Variants in EPHA5 observed in about 807,000 individuals in gnomAD.
EPHA5 encodes EPH receptor A5.
In EPHA5, 60 loss-of-function variants were observed where a neutral mutation model predicts 105.0. That is an observed-to-expected ratio of 0.57 (90% CI 0.46 to 0.71). The LOEUF (loss-of-function observed/expected upper bound fraction) is 0.71, where lower values mean the gene tolerates loss of function less well. Ranked by LOEUF, EPHA5 falls within the 30% of genes least tolerant of loss-of-function variation. The pLI, the probability that EPHA5 is intolerant of heterozygous loss-of-function variation, is 0.00. For synonymous variants in EPHA5, 513 were observed against 449.1 expected (o/e 1.14, Z -1.80); for missense variants, 1,218 against 1,274.7 (o/e 0.96, Z 0.68).
At chr4:65,577,814 G>T (rs68071739) in intron 3 of EPHA5, among the ~76,000 whole-genome samples, 33,174 of 151,948 alleles carry the variant, frequency 0.22, 3,704 homozygotes, top group East Asian at 0.27. Flanking sequence ...CAGAGGGAAA[G>T]TATGTACTTA....
chr4:65,420,626 A>G, intron 5 of EPHA5, 61 bp from the exon 6 acceptor site: 1 of 1,520,242 alleles, frequency 6.6e-7, no homozygotes, highest in Non-Finnish European at 8.9e-7. Context: ...TAAACCTGTT[A>G]TGTTTATTAC....
intron 8 of EPHA5, among the ~76,000 whole-genome samples, chr4:65,396,179 G>A (rs1721216828): frequency 6.6e-6 from 1 of 152,218 alleles, no homozygotes; most frequent in Admixed American, 6.5e-5. Flanking sequence ...TTGAGGATAA[G>A]CTTGGGCACT....
At chr4:65,544,212 C>T (rs748045270) in intron 3 of EPHA5, among the ~76,000 whole-genome samples, 2 of 151,740 alleles carry the variant, frequency 1.3e-5, no homozygotes, top group Non-Finnish European at 2.9e-5. Context: ...AAACAAAAGC[C>T]AAAATTGACA....
intron 14 of EPHA5, among the ~76,000 whole-genome samples, chr4:65,340,306 TGTGTTGTGCTCCATTCCCA>T (rs1461928581): frequency 6.6e-6 from 1 of 152,156 alleles, no homozygotes; most frequent in Non-Finnish European, 1.5e-5. Flanking sequence ...CAGAGACTTC[TGTGTTGTGCTCCATTCCCA>T]GTGACTCTTG....
chr4:65,518,448 GTC>G (rs1041984757), intron 3 of EPHA5, among the ~76,000 whole-genome samples: 8 of 151,226 alleles, frequency 5.3e-5, no homozygotes, highest in Non-Finnish European at 1.2e-4. Flanking sequence ...CACACACACA[GTC>G]TCTATATTTC....
chr4:65,495,369 T>C lies in EPHA5; in HGVS notation c.1066+19A>G, dbSNP rs369825431. On this transcript the variant is annotated intron_variant, in intron 4 of 16. Coordinates refer to ENST00000613740, the MANE Select transcript of EPHA5 (RefSeq NM_001281766.3). ...ACTGGTTAAAGTTAGCACCACCAAA[T>C]ATCCGTGGGTTTCCTTACTTGTGCA... The C allele has an allele frequency of 5.0e-6, 8 of 1,606,884 alleles. No homozygotes were observed. Among genetic ancestry groups the C allele is most frequent in the Middle Eastern group, 1.7e-4 (1 of 6,016 alleles).
intron 2 of EPHA5, among the ~76,000 whole-genome samples, chr4:65,632,305 T>C (rs1458437870): frequency 6.6e-6 from 1 of 152,056 alleles, no homozygotes; most frequent in Non-Finnish European, 1.5e-5. Context: ...TTTATGTTTG[T>C]GCAGGTTGTA....
At chr4:65,625,525 A>C (rs1746059752) in intron 2 of EPHA5, among the ~76,000 whole-genome samples, 1 of 152,116 alleles carries the variant, frequency 6.6e-6, no homozygotes, top group Non-Finnish European at 1.5e-5. Context: ...ACATTTAAAC[A>C]CTGTTTAATA....
At chr4:65,552,884 G>A (rs1465081340) in intron 3 of EPHA5, among the ~76,000 whole-genome samples, 9 of 151,912 alleles carry the variant, frequency 5.9e-5, no homozygotes, top group Non-Finnish European at 1.0e-4. Context: ...TAAGCAATAT[G>A]ACATCAATAT....
rs1719776844 is a variant in EPHA5, at chr4:65,323,230, G to C, written c.*884C>G. ...GAGATTAGCTTTTGGACACATGAGAGGAAAAGAGACACAAGCTTGTGTTAA... is the reference window on the plus strand; with the variant it reads ...GAGATTAGCTTTTGGACACATGAGACGAAAAGAGACACAAGCTTGTGTTAA... On this transcript the variant is annotated 3_prime_UTR_variant, in exon 17 of 17. Coordinates refer to ENST00000613740, the MANE Select transcript of EPHA5 (RefSeq NM_001281766.3). 4.4e-6 allele frequency: 1 copy of C among 228,900 alleles called. No individual in the cohort carries two copies. Among genetic ancestry groups the C allele is most frequent in the Non-Finnish European group, 8.7e-6 (1 of 115,392 alleles). The allele number at this position is 228,900 out of a possible 1,614,324, so 14.2% of individuals were successfully genotyped here.
chr4:65,482,552 G>T (rs570510300), intron 5 of EPHA5, among the ~76,000 whole-genome samples: 3 of 152,038 alleles, frequency 2.0e-5, no homozygotes, highest in Non-Finnish European at 2.9e-5. Flanking sequence ...TAGGTAGCAG[G>T]ATATGAATGG....
intron 2 of EPHA5, among the ~76,000 whole-genome samples, chr4:65,628,534 C>T (rs1746347636): frequency 6.6e-6 from 1 of 151,882 alleles, no homozygotes; most frequent in African/African-American, 2.4e-5. Context: ...TCATAATAAC[C>T]TTAATCTATA....
At chr4:65,416,625 G>T (rs183193024) in intron 6 of EPHA5, among the ~76,000 whole-genome samples, 1 of 152,094 alleles carries the variant, frequency 6.6e-6, no homozygotes, top group Non-Finnish European at 1.5e-5. Flanking sequence ...AAGGAAACTG[G>T]GCTGCTGCTC....
At chr4:65,540,472 A>C (rs1037913703) in intron 3 of EPHA5, among the ~76,000 whole-genome samples, 1 of 151,402 alleles carries the variant, frequency 6.6e-6, no homozygotes, top group Non-Finnish European at 1.5e-5. Context: ...TGTTTGAAAA[A>C]TAATTTATAT....
intron 3 of EPHA5, among the ~76,000 whole-genome samples, chr4:65,539,418 T>A (rs1736607004): frequency 6.6e-6 from 1 of 151,672 alleles, no homozygotes; most frequent in South Asian, 2.1e-4. Flanking sequence ...AGAAAGAATG[T>A]CTAGGTGTGA....
At chr4:65,502,641 C>A (rs115578049) in intron 3 of EPHA5, among the ~76,000 whole-genome samples, 366 of 151,982 alleles carry the variant, frequency 2.4e-3, no homozygotes, top group African/African-American at 8.5e-3. Context: ...TGCTTATACA[C>A]TGTTGGTTGG....
intron 15 of EPHA5, among the ~76,000 whole-genome samples, chr4:65,335,386 A>G (rs1721076076): frequency 6.6e-6 from 1 of 152,074 alleles, no homozygotes; most frequent in East Asian, 1.9e-4. Flanking sequence ...CCACAAGATT[A>G]CTCATTTATC....
intron 1 of EPHA5, among the ~76,000 whole-genome samples, chr4:65,651,167 A>T (rs776130023): frequency 6.6e-6 from 1 of 152,224 alleles, no homozygotes; most frequent in Non-Finnish European, 1.5e-5. Flanking sequence ...AGTCATCGAG[A>T]GAAAATAAGT....
At chr4:65,393,218 G>A (rs948461152) in intron 8 of EPHA5, among the ~76,000 whole-genome samples, 11 of 152,116 alleles carry the variant, frequency 7.2e-5, no homozygotes, top group African/African-American at 2.4e-4. Flanking sequence ...CTCAGTCCAC[G>A]TGCTTTGTAT....
Sources: allele counts gnomAD v4.1 joint callset (sites outside exome capture counted in the v4.1 genomes callset), GRCh38; gene constraint gnomAD v4.1.1; transcripts MANE v1.5; gene names NCBI Gene and HGNC (gene_info 2026-07-23, HGNC 2026-07-21).